DPP10: variants seen among roughly 807,000 people sequenced by gnomAD.
The protein encoded by DPP10 is inactive dipeptidyl peptidase 10.
In DPP10, 33 loss-of-function variants were observed where a neutral mutation model predicts 120.9. That is an observed-to-expected ratio of 0.27 (90% confidence interval 0.21 to 0.37). The LOEUF (loss-of-function observed/expected upper bound fraction) is 0.37, where lower values mean the gene tolerates loss of function less well. Ranked by LOEUF, DPP10 falls within the 10% of genes least tolerant of loss-of-function variation. The probability of loss-of-function intolerance (pLI) is 1.00; values close to 1 mark genes in which losing one functional copy is unlikely to be tolerated. For missense variants in DPP10, 816 were observed against 942.8 expected, an observed-to-expected ratio of 0.87 and a Z score of 1.76; for synonymous variants, 337 against 326.1, an observed-to-expected ratio of 1.03 and a Z score of -0.36.
At chr2:115,450,095 C>G (rs1250393020) in intron 3 of DPP10, among the ~76,000 whole-genome samples, 3 of 151,814 alleles carry the variant, frequency 2.0e-5, no homozygotes, top group African/African-American at 7.3e-5. Context: ...TCCCAATTAG[C>G]CCATCATAAG....
intron 1 of DPP10, among the ~76,000 whole-genome samples, chr2:115,227,817 C>T (rs1208372404): frequency 6.6e-6 from 1 of 151,058 alleles, no homozygotes; most frequent in African/African-American, 2.4e-5. Context: ...CCATTTTATG[C>T]TTTCTTTTTA....
At chr2:115,442,497 C>A (rs2072173242) in intron 3 of DPP10, among the ~76,000 whole-genome samples, 1 of 151,852 alleles carries the variant, frequency 6.6e-6, no homozygotes, top group African/African-American at 2.4e-5. Flanking sequence ...TATTCAGTGT[C>A]CAGTGGAATG....
intron 21 of DPP10, among the ~76,000 whole-genome samples, chr2:115,822,159 A>G (rs978550930): frequency 1.3e-5 from 2 of 152,018 alleles, no homozygotes; most frequent in African/African-American, 4.8e-5. Flanking sequence ...TGCTTCATAT[A>G]GGTATATTTT....
intron 1 of DPP10, among the ~76,000 whole-genome samples, chr2:115,075,415 G>A (rs7593198): frequency 0.24 from 35,872 of 151,944 alleles, 4,508 homozygotes; most frequent in East Asian, 0.5. Context: ...TAGAATGATC[G>A]AGGGGAAGTC....
intron 2 of DPP10, among the ~76,000 whole-genome samples, chr2:115,311,449 G>A (rs1055784418): frequency 6.6e-6 from 1 of 152,072 alleles, no homozygotes; most frequent in African/African-American, 2.4e-5. Flanking sequence ...AAACCTCTCA[G>A]GAATATACAT....
chr2:115,492,222 T>C (rs1034448056), intron 3 of DPP10, among the ~76,000 whole-genome samples: 3 of 152,154 alleles, frequency 2.0e-5, no homozygotes, highest in Non-Finnish European at 4.4e-5. Context: ...CACCAAAAAT[T>C]CCACCAAAAT....
chr2:115,350,245 TTA>T (rs368452828), intron 3 of DPP10, among the ~76,000 whole-genome samples: 236 of 152,164 alleles, frequency 1.6e-3, no homozygotes, highest in Non-Finnish European at 2.4e-3. Flanking sequence ...CAATATGGAA[TTA>T]TATATATAGT....
chr2:114,915,096 A>C (rs1312346014), intron 1 of DPP10, among the ~76,000 whole-genome samples: 2 of 151,808 alleles, frequency 1.3e-5, no homozygotes, highest in Non-Finnish European at 2.9e-5. Flanking sequence ...CCGCCACTGC[A>C]CCCCAGCCTG....
At chr2:115,675,415 C>G (rs1439238180) in intron 5 of DPP10, among the ~76,000 whole-genome samples, 1 of 147,694 alleles carries the variant, frequency 6.8e-6, no homozygotes, top group Non-Finnish European at 1.5e-5. Flanking sequence ...CACTCACCTC[C>G]TCCACAAAGA....
chr2:115,791,531 T>C (rs1559158762), intron 19 of DPP10, among the ~76,000 whole-genome samples, 175 bp downstream of exon 19: 1 of 152,196 alleles, frequency 6.6e-6, no homozygotes, highest in South Asian at 2.1e-4. Context: ...TGTATAAAGA[T>C]GTGTAAATTT....
At chr2:114,513,658 CAAAAT>C (rs1684358097) in intron 1 of DPP10, among the ~76,000 whole-genome samples, 2 of 150,500 alleles carry the variant, frequency 1.3e-5, no homozygotes, top group African/African-American at 4.9e-5. Flanking sequence ...AAGAAACAGA[CAAAAT>C]AAAAGCTTTG....
At chr2:115,727,085 T>C (rs2092783188) in intron 7 of DPP10, among the ~76,000 whole-genome samples, 2 of 152,196 alleles carry the variant, frequency 1.3e-5, no homozygotes, top group Non-Finnish European at 2.9e-5. Flanking sequence ...GAATTATCTA[T>C]ATCATAGGCA....
intron 1 of DPP10, among the ~76,000 whole-genome samples, chr2:114,943,442 T>G (rs1348760671): frequency 6.6e-6 from 1 of 152,102 alleles, no homozygotes; most frequent in Non-Finnish European, 1.5e-5. Context: ...CCCAGCTAAT[T>G]TTTATATTCT....
At chr2:115,694,451 T>C (rs969315709) in intron 7 of DPP10, among the ~76,000 whole-genome samples, 4 of 152,136 alleles carry the variant, frequency 2.6e-5, no homozygotes, top group Admixed American at 6.5e-5. Context: ...CTCAGAATAT[T>C]GAGGAGAACT....
intron 1 of DPP10, among the ~76,000 whole-genome samples, chr2:114,573,651 C>T (rs1476395450): frequency 6.6e-6 from 1 of 152,152 alleles, no homozygotes; most frequent in African/African-American, 2.4e-5. Flanking sequence ...TCACCTAGTT[C>T]CTGAGTTCTA....
At chr2:115,504,296 C>A (rs967927115) in intron 4 of DPP10, among the ~76,000 whole-genome samples, 105 of 75,616 alleles carry the variant, frequency 1.4e-3, no homozygotes, top group African/African-American at 3.1e-3. Flanking sequence ...TTTTTTTTTA[C>A]TAGGAAGCAG....
chr2:115,764,716 A>C (rs1680513768), intron 12 of DPP10, among the ~76,000 whole-genome samples: 1 of 152,168 alleles, frequency 6.6e-6, no homozygotes, highest in Non-Finnish European at 1.5e-5. Flanking sequence ...GTTATTAATT[A>C]TTCAGTTAGT....
At chr2:114,982,516 C>T (rs1407886989) in intron 1 of DPP10, among the ~76,000 whole-genome samples, 1 of 151,928 alleles carries the variant, frequency 6.6e-6, no homozygotes, top group Non-Finnish European at 1.5e-5. Context: ...AAGTACAAGC[C>T]TTCTTTAAAA....
chr2:115,667,291 G>A (rs985102681), intron 5 of DPP10, among the ~76,000 whole-genome samples: 4 of 151,980 alleles, frequency 2.6e-5, no homozygotes, highest in Non-Finnish European at 5.9e-5. Context: ...ACTTTCTCCA[G>A]TCTGTAGGTT....
Sources: allele counts gnomAD v4.1 joint callset (sites outside exome capture counted in the v4.1 genomes callset), GRCh38; gene constraint gnomAD v4.1.1; transcripts MANE v1.5; gene names NCBI Gene and HGNC (gene_info 2026-07-23, HGNC 2026-07-21).